DTNA: variants seen among roughly 807,000 people sequenced by gnomAD.
The protein encoded by DTNA is dystrobrevin alpha.
DTNA carries 43 observed loss-of-function variants against 100.7 expected under a neutral mutation model. That is an observed-to-expected ratio of 0.43 (90% CI 0.33 to 0.55). The LOEUF (loss-of-function observed/expected upper bound fraction) is 0.55. Among genes scored for constraint, DTNA ranks in the 20% least tolerant of loss-of-function variants. The pLI is 0.04. For synonymous variants in DTNA, 349 were observed against 347.9 expected (o/e 1.00, Z -0.04); for missense variants, 798 against 953.9 (o/e 0.84, Z 2.15).
At chr18:34,571,279 A>G in intron 1 of DTNA, among the ~76,000 whole-genome samples, 1 of 152,240 alleles carries the variant, frequency 6.6e-6, no homozygotes, top group East Asian at 1.9e-4. Context: ...TTTAACTTTA[A>G]GTCTCATCAG....
At chr18:34,602,374 C>A (rs143176117) in intron 1 of DTNA, among the ~76,000 whole-genome samples, 1 of 152,046 alleles carries the variant, frequency 6.6e-6, no homozygotes, top group Non-Finnish European at 1.5e-5. Flanking sequence ...TGCTGTATAC[C>A]GTATCCCTTT....
At chr18:34,877,612 A>T in intron 18 of DTNA, 107 bp from the exon 19 acceptor site, 1 of 938,132 alleles carries the variant, frequency 1.1e-6, no homozygotes, top group Non-Finnish European at 1.6e-6. Flanking sequence ...GAGAAGTCTT[A>T]GAAGTTTTCT....
intron 3 of DTNA, among the ~76,000 whole-genome samples, chr18:34,787,138 G>A (rs2094536465): frequency 6.6e-6 from 1 of 151,992 alleles, no homozygotes; most frequent in African/African-American, 2.4e-5. Flanking sequence ...CATCCTTGCA[G>A]GTGATTCCAT....
intron 1 of DTNA, among the ~76,000 whole-genome samples, chr18:34,568,457 A>C: frequency 6.6e-6 from 1 of 151,932 alleles, no homozygotes; most frequent in Non-Finnish European, 1.5e-5. Context: ...ACAATTTCCC[A>C]TCTGCCACTC....
chr18:34,868,680 T>C (rs1782881847), intron 17 of DTNA: 1 of 985,422 alleles, frequency 1.0e-6, no homozygotes, highest in Non-Finnish European at 1.2e-6. Context: ...CTACTTACAT[T>C]GTTTCTTGTT....
intron 10 of DTNA, chr18:34,829,084 A>T: frequency 6.2e-7 from 1 of 1,614,080 alleles, no homozygotes; most frequent in Non-Finnish European, 8.5e-7. Context: ...GGATAACATG[A>T]CTTCTTCTAC....
intron 1 of DTNA, among the ~76,000 whole-genome samples, chr18:34,753,366 A>ATTTTTTTTT (rs757853063): frequency 4.5e-5 from 6 of 133,148 alleles, no homozygotes; most frequent in African/African-American, 1.3e-4. Context: ...TATTTATTTT[A>ATTTTTTTTT]TTTTTTTTTT....
chr18:34,841,574 T>G (rs1183036302), intron 13 of DTNA, among the ~76,000 whole-genome samples: 1 of 152,158 alleles, frequency 6.6e-6, no homozygotes, highest in Admixed American at 6.6e-5. Context: ...GCTCCAAAAA[T>G]TACAAAGCCT....
At chr18:34,545,430 T>C (rs980588412) in intron 1 of DTNA, among the ~76,000 whole-genome samples, 3 of 152,140 alleles carry the variant, frequency 2.0e-5, no homozygotes. Context: ...TTCTCAGTTA[T>C]GTTTTTGTTA....
intron 1 of DTNA, among the ~76,000 whole-genome samples, chr18:34,596,702 C>T (rs1472438923): frequency 1.3e-5 from 2 of 152,106 alleles, no homozygotes; most frequent in East Asian, 3.9e-4. Flanking sequence ...TCAAAGTTTG[C>T]TGATATCATT....
intron 1 of DTNA, among the ~76,000 whole-genome samples, chr18:34,565,553 A>G (rs2047008630): frequency 6.6e-6 from 1 of 152,242 alleles, no homozygotes; most frequent in African/African-American, 2.4e-5. Context: ...CTTCCTCTGC[A>G]GGCTAAGTGG....
At chr18:34,755,809 C>T (rs1400291443) in intron 1 of DTNA, among the ~76,000 whole-genome samples, 167 bp from the exon 2 acceptor site, 2 of 152,150 alleles carry the variant, frequency 1.3e-5, no homozygotes, top group African/African-American at 2.4e-5. Context: ...AAAATATGCG[C>T]AGCAATTTAG....
chr18:34,825,851 T>G (rs886473894), intron 9 of DTNA, among the ~76,000 whole-genome samples: 1 of 152,206 alleles, frequency 6.6e-6, no homozygotes, highest in African/African-American at 2.4e-5. Context: ...TCAAGTATTT[T>G]TTTCAACTCT....
intron 1 of DTNA, among the ~76,000 whole-genome samples, chr18:34,634,087 A>G (rs1001605788): frequency 2.0e-5 from 3 of 152,180 alleles, no homozygotes; most frequent in Non-Finnish European, 4.4e-5. Context: ...ATTTTAAGTC[A>G]CTTTTTGGAT....
intron 3 of DTNA, among the ~76,000 whole-genome samples, chr18:34,789,296 T>A (rs1164286125): frequency 3.9e-5 from 6 of 152,244 alleles, no homozygotes; most frequent in Non-Finnish European, 5.9e-5. Context: ...TGTGTGCCTG[T>A]CCGTCTCCGC....
At chr18:34,569,588 CA>C (rs2047392742) in intron 1 of DTNA, among the ~76,000 whole-genome samples, 1 of 151,988 alleles carries the variant, frequency 6.6e-6, no homozygotes, top group South Asian at 2.1e-4. Flanking sequence ...GAAACAGAGC[CA>C]ATAGGATGTG....
chr18:34,874,934 A>G (rs1221326446), intron 17 of DTNA, among the ~76,000 whole-genome samples: 2 of 152,144 alleles, frequency 1.3e-5, no homozygotes, highest in Non-Finnish European at 2.9e-5. Flanking sequence ...AAGTATCCAC[A>G]CCTTGTAATT....
intron 1 of DTNA, among the ~76,000 whole-genome samples, chr18:34,711,213 C>A (rs16965785): frequency 0.035 from 5,335 of 152,160 alleles, 292 homozygotes; most frequent in African/African-American, 0.12. Context: ...CCTTCTCATG[C>A]GTTGTTTACA....
Position 34,812,475 on chromosome 18 carries a change from G to A in DTNA, c.603+362G>A, listed in dbSNP as rs148130432. 3.0e-4 allele frequency among the ~76,000 whole-genome samples: 45 copies of A among 152,232 alleles called. 1 individual carries two copies. The East Asian group carries it at 5.6e-3, about 19-fold the overall frequency. ...AGAGGTTTAACAGACTCACAGTTCC[G>A]CCTCAGGAAACTTACAATCCTGGTG... On this transcript the variant is annotated intron_variant, in intron 6 of 22. Coordinates refer to ENST00000444659, the MANE Select transcript of DTNA (RefSeq NM_001386795.1).
Sources: gnomAD v4.1 joint callset for allele counts (sites outside exome capture counted in the v4.1 genomes callset) on GRCh38, gnomAD v4.1.1 for gene constraint, MANE v1.5 for transcripts, NCBI Gene and HGNC (gene_info 2026-07-23, HGNC 2026-07-21) for gene names.